ZNF449: variants seen among roughly 807,000 people sequenced by gnomAD.
ZNF449 encodes the protein zinc finger protein 449, also known as zinc finger and SCAN domain-containing protein 19.
Under a neutral mutation model 32.6 loss-of-function variants are expected in ZNF449, and 4 were observed. The observed-to-expected ratio is 0.12, with a 90% confidence interval of 0.06 to 0.28. The LOEUF is 0.28. Ranked by LOEUF, ZNF449 falls within the 10% of genes least tolerant of loss-of-function variation. The pLI is 1.00. For missense variants in ZNF449, 275 were observed against 383.2 expected, an observed-to-expected ratio of 0.72 and a Z score of 2.36; for synonymous variants, 123 against 132.2, an observed-to-expected ratio of 0.93 and a Z score of 0.48.
intron 3 of ZNF449, among the ~76,000 whole-genome samples, chrX:135,353,145 T>G (rs1031894951): frequency 1.8e-5 from 2 of 111,203 alleles, no homozygotes; most frequent in African/African-American, 6.5e-5. Context: ...ATAGGTTACC[T>G]AAGTATCTTT....
intron 4 of ZNF449, 83 bp from the exon 5 acceptor site, chrX:135,360,110 G>C (rs950709585): frequency 7.3e-6 from 8 of 1,098,179 alleles, no homozygotes; most frequent in Non-Finnish European, 8.5e-6. Flanking sequence ...CCTGCCACTG[G>C]TTTAACATAA....
At position 135,362,884 on chromosome X, in the gene ZNF449, G is replaced by A. The variant is rs1311989167; in HGVS notation, c.*1808G>A. 1 of 112,026 alleles carries A rather than the reference G, an allele frequency of 8.9e-6. No homozygotes were observed. Among genetic ancestry groups the A allele is most frequent in the Non-Finnish European group, 1.9e-5 (1 of 53,158 alleles). 9.2% of individuals were successfully genotyped at this position (112,026 alleles called of 1,213,427 possible). On this transcript the variant is annotated 3_prime_UTR_variant, in exon 5 of 5. Coordinates refer to ENST00000339249, the MANE Select transcript of ZNF449 (RefSeq NM_152695.6). ...TAAGTGCCAATTATACCAATTGCTAGACCCAGGATGTATCTTTAATTCTTG... is the reference window on the plus strand; with the variant it reads ...TAAGTGCCAATTATACCAATTGCTAAACCCAGGATGTATCTTTAATTCTTG...
Position 135,349,146 on chromosome X carries a change from C to T in ZNF449, c.391C>T (p.Pro131Ser). Reference protein sequence around the residue: ...MHDMLLEELAPVGTAHIPPTM... With the variant: ...MHDMLLEELASVGTAHIPPTM... Reference sequence around the variant, plus strand: ...TGACATGCTCTTGGAAGAACTGGCACCAGTGGGAACGGCACACATACCACC... The same window carrying T: ...TGACATGCTCTTGGAAGAACTGGCATCAGTGGGAACGGCACACATACCACC... The change falls in exon 3 of 5, where the codon CCA becomes TCA. Residue 131 changes from proline (P) to serine (S), a missense_variant. Transcript: ENST00000339249. 8.3e-7 allele frequency: 1 copy of T among 1,211,418 alleles called. No individual in the cohort carries two copies. Among genetic ancestry groups the T allele is most frequent in the African/African-American group, 1.7e-5 (1 of 57,654 alleles).
intron 3 of ZNF449, among the ~76,000 whole-genome samples, chrX:135,355,779 A>G (rs1348461008): frequency 8.9e-6 from 1 of 111,795 alleles, no homozygotes. Context: ...TATATTCACA[A>G]TATGTACAAC....
chrX:135,349,425 CAG>C, intron 3 of ZNF449, 111 bp downstream of exon 3: 1 of 740,501 alleles, frequency 1.4e-6, no homozygotes, highest in Admixed American at 3.5e-5. Context: ...ATTGACCACT[CAG>C]ATAAAGAAGA....
In ZNF449 at chrX:135,359,977, A is replaced by G. The variant is rs782394485; in HGVS notation, c.645A>G (p.Glu215=). Residue 215 remains glutamate, a synonymous_variant, in exon 4 of 5, where the codon GAA becomes GAG. Coordinates refer to ENST00000339249, the MANE Select transcript of ZNF449 (RefSeq NM_152695.6). Reference sequence around the variant, plus strand: ...TGAAGGAATTACAGGATTCTAAAGAAATGAAACAATTACTTGATTCCAAGA... The same window carrying G: ...TGAAGGAATTACAGGATTCTAAAGAGATGAAACAATTACTTGATTCCAAGA... The part of the protein sequence containing the change: ...PWVKELQDSK[E]MKQLLDSKIG... 1 of 1,191,625 alleles carries G rather than the reference A, an allele frequency of 8.4e-7. No homozygotes were observed. Among genetic ancestry groups the G allele is most frequent in the Non-Finnish European group, 1.1e-6 (1 of 880,745 alleles).
chrX:135,353,470 C>T (rs2084899569), intron 3 of ZNF449, among the ~76,000 whole-genome samples: 1 of 110,472 alleles, frequency 9.1e-6, no homozygotes, highest in South Asian at 3.8e-4. Flanking sequence ...AATTTCTTCA[C>T]TTAATTTGGT....
intron 2 of ZNF449, chrX:135,348,691 C>G: frequency 3.0e-4 from 278 of 923,536 alleles, no homozygotes; most frequent in Non-Finnish European, 3.5e-4. Flanking sequence ...TGGTGGTTGC[C>G]CTTCCTTTCT....
chrX:135,349,310 C>T lies in ZNF449; in HGVS notation c.555C>T (p.Asp185=). ...CTGGAGAATGTCAGAACTTTCTGGA[C>T]CCTGGTAAGGCAAGGGTTTCTCTCC... ...GATGECQNFL[D]PGYPLPKLDM... is the part of the protein sequence containing the mutation. The change falls in exon 3 of 5, where the codon GAC becomes GAT. Residue 185 remains aspartate, a synonymous_variant. Transcript: ENST00000339249. 1 of 1,209,834 alleles carries T rather than the reference C, an allele frequency of 8.3e-7. No individual in the cohort carries two copies. The highest frequency in any genetic ancestry group is 1.7e-5 in the African/African-American group (1 of 57,683).
In ZNF449 at chrX:135,352,070, T is replaced by C. The variant is rs140200693; in HGVS notation, c.559+2756T>C. Among the ~76,000 whole-genome samples, 428 of 112,390 alleles carry C rather than the reference T, an allele frequency of 3.8e-3. 5 individuals are homozygous for C. The highest frequency in any genetic ancestry group is 0.013 in the African/African-American group (415 of 31,053). On this transcript the variant is annotated intron_variant, in intron 3 of 4. Coordinates refer to ENST00000339249, the MANE Select transcript of ZNF449 (RefSeq NM_152695.6). Reference sequence around the variant, plus strand: ...AACTTTTACTTTAAACAAAAGTATATTTGATGTATTACATGAAATACATTC... The same window carrying C: ...AACTTTTACTTTAAACAAAAGTATACTTGATGTATTACATGAAATACATTC...
chrX:135,355,015 C>T (rs1300250687), intron 3 of ZNF449, among the ~76,000 whole-genome samples: 1 of 110,328 alleles, frequency 9.1e-6, no homozygotes, highest in Non-Finnish European at 1.9e-5. Context: ...CTGTCATTCC[C>T]AAAACTGTTT....
At chrX:135,360,124 T>G in intron 4 of ZNF449, 69 bp from the exon 5 acceptor site, 1 of 1,111,522 alleles carries the variant, frequency 9.0e-7, no homozygotes, top group East Asian at 3.0e-5. Flanking sequence ...AACATAACTC[T>G]TCATTTTCCT....
chrX:135,360,404 G>A lies in ZNF449; in HGVS notation c.885G>A (p.Leu295=). ...AKLVDQQNPT[L]GETPENSNLE... ...TGGTAGATCAGCAGAACCCCACTCT[G>A]GGAGAGACACCTGAGAACTCCAACT... Residue 295 remains leucine (L), a synonymous_variant, in exon 5 of 5, where the codon CTG becomes CTA. Coordinates refer to ENST00000339249, the MANE Select transcript of ZNF449 (RefSeq NM_152695.6). 2 of 1,211,130 alleles carry A rather than the reference G, an allele frequency of 1.7e-6. No homozygotes were observed. Among genetic ancestry groups the A allele is most frequent in the Non-Finnish European group, 2.2e-6 (2 of 895,255 alleles).
At position 135,359,963 on chromosome X, in the gene ZNF449, C is replaced by G; in HGVS notation, c.631C>G (p.Gln211Glu). The stretch of plus-strand genomic sequence containing the variant: ...AGAAGAGCCATGGGTGAAGGAATTA[C>G]AGGATTCTAAAGAAATGAAACAATT... ...NREEPWVKEL[Q>E]DSKEMKQLLD... The change falls in exon 4 of 5, where the codon CAG becomes GAG. Residue 211 changes from glutamine to glutamate, a missense_variant. This residue lies in a region of ZNF449 where 165 missense variants were observed against 175.0 expected (regional missense o/e 0.94). Coordinates refer to ENST00000339249, the MANE Select transcript of ZNF449 (RefSeq NM_152695.6). The G allele has an allele frequency of 8.3e-7, 1 of 1,200,066 alleles. No homozygotes were observed. The highest frequency in any genetic ancestry group is 3.0e-5 in the East Asian group (1 of 33,578).
chrX:135,347,789 A>G (rs1472944983), intron 2 of ZNF449: 3 of 598,017 alleles, frequency 5.0e-6, no homozygotes, highest in Non-Finnish European at 7.7e-6. Flanking sequence ...GGCCAATTCT[A>G]GCCATACCCT....
intron 3 of ZNF449, among the ~76,000 whole-genome samples, chrX:135,350,224 A>G (rs1158421166): frequency 9.0e-6 from 1 of 110,671 alleles, no homozygotes; most frequent in Non-Finnish European, 1.9e-5. Context: ...ACCTCAGGTG[A>G]TCCGCCTGCC....
At position 135,360,441 on chromosome X, in the gene ZNF449, C is replaced by T. The variant is rs1556453310; in HGVS notation, c.922C>T (p.Leu308Phe). The T allele has an allele frequency of 3.3e-6, 4 of 1,211,553 alleles. No homozygotes were observed. In the Admixed American group the frequency reaches 6.5e-5, roughly 20 times the overall value. The change falls in exon 5 of 5, where the codon CTC becomes TTC. Residue 308 changes from leucine (L) to phenylalanine (F), a missense_variant. This residue lies in a region of ZNF449 where 165 missense variants were observed against 175.0 expected (regional missense o/e 0.94). Coordinates refer to ENST00000339249, the MANE Select transcript of ZNF449 (RefSeq NM_152695.6). Reference sequence around the variant, plus strand: ...TGAGAACTCCAACTTGGAAGAACCTCTCAACCCTAAACCCCACAAGAAAAA... The same window carrying T: ...TGAGAACTCCAACTTGGAAGAACCTTTCAACCCTAAACCCCACAAGAAAAA... ...TPENSNLEEP[L>F]NPKPHKKKSP... is the part of the protein sequence containing the mutation.
Position 135,361,225 on chromosome X carries a change from C to G in ZNF449, c.*149C>G. On this transcript the variant is annotated 3_prime_UTR_variant, in exon 5 of 5. Transcript: ENST00000339249. Reference sequence around the variant, plus strand: ...TTTTACTAGTTTTAAAACCCATCTTCCAAGGTATATGAATTCTAGAGTATT... The same window carrying G: ...TTTTACTAGTTTTAAAACCCATCTTGCAAGGTATATGAATTCTAGAGTATT... The G allele has an allele frequency of 2.4e-6, 1 of 425,427 alleles. No homozygotes were observed. Among genetic ancestry groups the G allele is most frequent in the Non-Finnish European group, 3.8e-6 (1 of 260,395 alleles). 35.1% of individuals were successfully genotyped at this position (425,427 alleles called of 1,213,427 possible). A position where few individuals can be genotyped will look rare whatever the true frequency, so the allele number is the denominator to read the frequency against.
At chrX:135,359,574 T>G (rs2084934305) in intron 3 of ZNF449, among the ~76,000 whole-genome samples, 1 of 111,506 alleles carries the variant, frequency 9.0e-6, no homozygotes, top group Admixed American at 9.6e-5. Flanking sequence ...TTTATGAAAT[T>G]TACTTTATAT....
Sources: gnomAD v4.1 joint callset for allele counts (sites outside exome capture counted in the v4.1 genomes callset) on GRCh38, gnomAD v4.1.1 for gene constraint, gnomAD v4.1.1 regional missense constraint, MANE v1.5 for transcripts, NCBI Gene and HGNC (gene_info 2026-07-23, HGNC 2026-07-21) for gene names.